DDX10: variants seen among roughly 807,000 people sequenced by gnomAD.
DDX10 encodes the protein probable ATP-dependent RNA helicase DDX10.
A neutral mutation model predicts 104.3 loss-of-function variants in DDX10; 74 were observed. The observed-to-expected ratio is 0.71, with a 90% CI of 0.59 to 0.86. The LOEUF (loss-of-function observed/expected upper bound fraction) is 0.86. Ranked by LOEUF, DDX10 falls within the 40% of genes least tolerant of loss-of-function variation. The probability of loss-of-function intolerance (pLI) is 0.00; values close to 1 mark genes in which losing one functional copy is unlikely to be tolerated. For synonymous variants in DDX10, 351 were observed against 353.4 expected, an observed-to-expected ratio of 0.99 and a Z score of 0.08; for missense variants, 952 against 1,040.0, an observed-to-expected ratio of 0.92 and a Z score of 1.16.
intron 6 of DDX10, 33 bp downstream of exon 6, chr11:108,679,593 T>A: frequency 6.9e-7 from 1 of 1,442,830 alleles, no homozygotes; most frequent in Non-Finnish European, 9.3e-7. Flanking sequence ...AAGATAAATG[T>A]TTTTTACTTT....
intron 6 of DDX10, among the ~76,000 whole-genome samples, chr11:108,686,122 C>T (rs2094243666): frequency 6.6e-6 from 1 of 152,152 alleles, no homozygotes; most frequent in Non-Finnish European, 1.5e-5. Context: ...AGGTTAATCT[C>T]AAAATTGAAA....
chr11:108,812,100 C>T (rs1862190841), intron 13 of DDX10, among the ~76,000 whole-genome samples: 1 of 152,064 alleles, frequency 6.6e-6, no homozygotes, highest in Non-Finnish European at 1.5e-5. Context: ...GATAACTTTG[C>T]TTTTGATAGC....
At chr11:108,731,475 G>A (rs1316592535) in intron 13 of DDX10, among the ~76,000 whole-genome samples, 3 of 149,984 alleles carry the variant, frequency 2.0e-5, no homozygotes, top group Non-Finnish European at 4.4e-5. Context: ...TAAGCAATTG[G>A]TTTTGAATGT....
rs541709430 is a variant in DDX10, at chr11:108,919,300, A to G, written c.2450+1282A>G. On this transcript the variant is annotated intron_variant, in intron 17 of 17. Coordinates refer to ENST00000322536, the MANE Select transcript of DDX10 (RefSeq NM_004398.4). ...TACCACAAGAGGCACCACAGATAAAAATAATTTGATTAGGATTTAGAAAAA... is the reference window on the plus strand; with the variant it reads ...TACCACAAGAGGCACCACAGATAAAGATAATTTGATTAGGATTTAGAAAAA... 3.9e-5 allele frequency: 6 copies of G among 152,340 alleles called. No homozygotes were observed. The East Asian group carries it at 1.2e-3, about 29-fold the overall frequency. 9.4% of individuals were successfully genotyped at this position (152,340 alleles called of 1,614,324 possible).
chr11:108,750,978 C>T (rs1229842643), intron 13 of DDX10, among the ~76,000 whole-genome samples: 2 of 89,478 alleles, frequency 2.2e-5, no homozygotes, highest in Non-Finnish European at 4.1e-5. Context: ...GATGGGCTTT[C>T]ACTATGTTGC....
chr11:108,786,262 A>G (rs1018681696), intron 13 of DDX10, among the ~76,000 whole-genome samples: 1 of 152,086 alleles, frequency 6.6e-6, no homozygotes, highest in African/African-American at 2.4e-5. Flanking sequence ...AACTTGCTTT[A>G]AGACTCAGCA....
At chr11:108,860,229 A>G (rs1401819062) in intron 16 of DDX10, among the ~76,000 whole-genome samples, 1 of 152,340 alleles carries the variant, frequency 6.6e-6, no homozygotes, top group South Asian at 2.1e-4. Flanking sequence ...TATACCATAC[A>G]TATATATTAT....
chr11:108,696,721 T>C (rs1168176097), intron 9 of DDX10, among the ~76,000 whole-genome samples: 2 of 152,172 alleles, frequency 1.3e-5, no homozygotes, highest in Admixed American at 1.3e-4. Context: ...ATTTTTTCTT[T>C]TCCTTTTCGA....
At chr11:108,706,262 G>A (rs1488808651) in intron 9 of DDX10, among the ~76,000 whole-genome samples, 1 of 152,086 alleles carries the variant, frequency 6.6e-6, no homozygotes, top group African/African-American at 2.4e-5. Context: ...ATGAGCCACC[G>A]CACCCGGCCG....
intron 13 of DDX10, among the ~76,000 whole-genome samples, chr11:108,806,839 C>T (rs905714671): frequency 3.9e-5 from 6 of 152,014 alleles, no homozygotes; most frequent in African/African-American, 1.5e-4. Context: ...TATGATCTAG[C>T]AATAGAAGGC....
intron 13 of DDX10, among the ~76,000 whole-genome samples, chr11:108,784,053 T>C (rs980807284): frequency 2.6e-4 from 39 of 152,208 alleles, no homozygotes; most frequent in African/African-American, 8.4e-4. Flanking sequence ...CAGTTCATCA[T>C]TGAAGGGCAC....
chr11:108,800,834 A>G (rs1724535232), intron 13 of DDX10, among the ~76,000 whole-genome samples: 1 of 152,200 alleles, frequency 6.6e-6, no homozygotes, highest in South Asian at 2.1e-4. Flanking sequence ...TATGATTTTC[A>G]CTTATCCTTT....
chr11:108,710,197 G>T (rs974112361), intron 10 of DDX10, among the ~76,000 whole-genome samples: 1 of 152,018 alleles, frequency 6.6e-6, no homozygotes, highest in Admixed American at 6.5e-5. Context: ...GTGCATGAAT[G>T]TGAAGAGTTA....
At chr11:108,936,146 A>G (rs1229556279) in intron 17 of DDX10, among the ~76,000 whole-genome samples, 1 of 152,188 alleles carries the variant, frequency 6.6e-6, no homozygotes. Flanking sequence ...TAAGTTGGAG[A>G]TCAGGTTATC....
chr11:108,894,746 T>G (rs1439461571), intron 16 of DDX10, among the ~76,000 whole-genome samples: 1 of 151,964 alleles, frequency 6.6e-6, no homozygotes, highest in Non-Finnish European at 1.5e-5. Flanking sequence ...TCATAAAAAA[T>G]TAAAGCCTTC....
intron 13 of DDX10, among the ~76,000 whole-genome samples, chr11:108,826,225 T>A (rs1565290456): frequency 6.6e-6 from 1 of 152,216 alleles, no homozygotes; most frequent in East Asian, 1.9e-4. Context: ...TATGCTTAAA[T>A]GTCTTTGTGG....
At chr11:108,757,089 G>T (rs1271122432) in intron 13 of DDX10, among the ~76,000 whole-genome samples, 1 of 151,164 alleles carries the variant, frequency 6.6e-6, no homozygotes, top group Non-Finnish European at 1.5e-5. Flanking sequence ...GGAGAGGACA[G>T]GGGAAGGCGC....
intron 13 of DDX10, among the ~76,000 whole-genome samples, chr11:108,777,847 G>C (rs867649125): frequency 2.4e-4 from 36 of 152,244 alleles, no homozygotes; most frequent in African/African-American, 7.0e-4. Flanking sequence ...TCAGGAAAGT[G>C]TCAGGATACA....
intron 13 of DDX10, among the ~76,000 whole-genome samples, chr11:108,811,706 A>G (rs903656050): frequency 2.0e-5 from 3 of 152,204 alleles, no homozygotes; most frequent in Non-Finnish European, 4.4e-5. Flanking sequence ...AGTAGGAAAG[A>G]ATCTTCCAAA....
Sources: gnomAD v4.1 joint callset for allele counts (sites outside exome capture counted in the v4.1 genomes callset) on GRCh38, gnomAD v4.1.1 for gene constraint, MANE v1.5 for transcripts, NCBI Gene and HGNC (gene_info 2026-07-23, HGNC 2026-07-21) for gene names.